The following BIRC3 variants were observed in gnomAD, a reference collection of about 807,000 sequenced individuals.
BIRC3 encodes baculoviral IAP repeat-containing protein 3.
BIRC3 carries 26 observed loss-of-function variants against 59.0 expected under a neutral mutation model. The observed-to-expected ratio is 0.44, with a 90% confidence interval of 0.32 to 0.61. BIRC3 has a LOEUF of 0.61. Ranked by LOEUF, BIRC3 falls within the 20% of genes least tolerant of loss-of-function variation. The probability of loss-of-function intolerance (pLI) is 0.04; values close to 1 mark genes in which losing one functional copy is unlikely to be tolerated. For missense variants in BIRC3, 641 were observed against 711.5 expected, an observed-to-expected ratio of 0.90 and a Z score of 1.13; for synonymous variants, 243 against 249.2, an observed-to-expected ratio of 0.98 and a Z score of 0.24.
At chr11:102,328,530 A>C (rs1951106995) in intron 4 of BIRC3, among the ~76,000 whole-genome samples, 1 of 150,780 alleles carries the variant, frequency 6.6e-6, no homozygotes, top group South Asian at 2.1e-4. Context: ...AGCCATGAGC[A>C]ATGAAACTGA....
At chr11:102,325,700 A>T in intron 3 of BIRC3, 135 bp downstream of exon 3, 2 of 768,488 alleles carry the variant, frequency 2.6e-6, no homozygotes, top group Non-Finnish European at 3.8e-6. Context: ...TGGATTACTT[A>T]GTAAAATACT....
intron 1 of BIRC3, among the ~76,000 whole-genome samples, chr11:102,318,072 A>T (rs1263292883): frequency 6.6e-6 from 1 of 152,348 alleles, no homozygotes; most frequent in East Asian, 1.9e-4. Flanking sequence ...ACATTGTCGA[A>T]GGCATGTACC....
In BIRC3 at chr11:102,323,912, A is replaced by C. The variant is rs559771810; in HGVS notation, c.-598A>C. 2.0e-5 allele frequency: 4 copies of C among 203,856 alleles called. No homozygotes were observed. The highest frequency in any genetic ancestry group is 4.0e-5 in the Non-Finnish European group (4 of 99,572). The allele number at this position is 203,856 out of a possible 1,614,324, so 12.6% of individuals were successfully genotyped here. The stretch of plus-strand genomic sequence containing the variant: ...ACTTCTTGATAACAGAAGTTTTAAA[A>C]TAGCCATCTTAGAATCAGTGAAATA... On this transcript the variant is annotated 5_prime_UTR_variant, in exon 2 of 9. Coordinates refer to ENST00000263464, the MANE Select transcript of BIRC3 (RefSeq NM_001165.5).
In BIRC3 at chr11:102,338,925, C is replaced by G. The variant is rs1283613790; in HGVS notation, c.*1823C>G. 2 of 220,288 alleles carry G rather than the reference C, an allele frequency of 9.1e-6. No homozygotes were observed. Among genetic ancestry groups the G allele is most frequent in the African/African-American group, 2.2e-5 (1 of 44,568 alleles). 13.6% of individuals were successfully genotyped at this position (220,288 alleles called of 1,614,324 possible). A position where few individuals can be genotyped will look rare whatever the true frequency, so the allele number is the denominator to read the frequency against. ...TCAGAGAAAAACTTTGCTTCTGAGG[C>G]CTTCACTTTGGGTTTTCTGAGCCCC... On this transcript the variant is annotated 3_prime_UTR_variant, in exon 9 of 9. Transcript: ENST00000263464.
At chr11:102,331,280 T>C (rs935284223) in intron 6 of BIRC3, 39 bp downstream of exon 6, 1 of 1,559,222 alleles carries the variant, frequency 6.4e-7, no homozygotes, top group Non-Finnish European at 8.7e-7. Flanking sequence ...TTCATAAGGA[T>C]TTGATATCAG....
Position 102,338,484 on chromosome 11 carries a change from A to G in BIRC3, c.*1382A>G. 4.4e-6 allele frequency: 1 copy of G among 229,474 alleles called. No homozygotes were observed. The highest frequency in any genetic ancestry group is 8.7e-6 in the Non-Finnish European group (1 of 115,598). 14.2% of individuals were successfully genotyped at this position (229,474 alleles called of 1,614,324 possible). A position where few individuals can be genotyped will look rare whatever the true frequency, so the allele number is the denominator to read the frequency against. ...ATGAAGATCCAAAATTACAGGGGAAACTGTGCATTTTTATGCTTAGGTTTG... is the reference window on the plus strand; with the variant it reads ...ATGAAGATCCAAAATTACAGGGGAAGCTGTGCATTTTTATGCTTAGGTTTG... On this transcript the variant is annotated 3_prime_UTR_variant, in exon 9 of 9. Transcript: ENST00000263464.
At chr11:102,335,803 T>C (rs1951189420) in intron 6 of BIRC3, among the ~76,000 whole-genome samples, 163 bp from the exon 7 acceptor site, 1 of 152,120 alleles carries the variant, frequency 6.6e-6, no homozygotes. Context: ...ATAACATTAT[T>C]ATTAAGCAAA....
rs894982044 is a variant in BIRC3, at chr11:102,337,633, A to C, written c.*531A>C. On this transcript the variant is annotated 3_prime_UTR_variant, in exon 9 of 9. Transcript: ENST00000263464. Reference sequence around the variant, plus strand: ...GTCTTTTTTGATCAGTGTCCTATACATCGAAGGTGTGCATATATGTTGAAT... The same window carrying C: ...GTCTTTTTTGATCAGTGTCCTATACCTCGAAGGTGTGCATATATGTTGAAT... 1 of 343,986 alleles carries C rather than the reference A, an allele frequency of 2.9e-6. No individual in the cohort carries two copies. Among genetic ancestry groups the C allele is most frequent in the Non-Finnish European group, 5.2e-6 (1 of 191,574 alleles). The allele number at this position is 343,986 out of a possible 1,614,324, so 21.3% of individuals were successfully genotyped here.
chr11:102,328,869 TA>T, intron 4 of BIRC3, 27 bp from the exon 5 acceptor site: 7 of 794,168 alleles, frequency 8.8e-6, no homozygotes, highest in Non-Finnish European at 1.2e-5. Context: ...TATATATATA[TA>T]TATATATATA....
rs1591526669 is a variant in BIRC3 at position 102,337,529 on chromosome 11, T to G, written c.*427T>G. 5.1e-6 allele frequency: 2 copies of G among 390,960 alleles called. No individual in the cohort carries two copies. The highest frequency in any genetic ancestry group is 9.0e-6 in the Non-Finnish European group (2 of 221,416). The allele number at this position is 390,960 out of a possible 1,614,324, so 24.2% of individuals were successfully genotyped here. A position where few individuals can be genotyped will look rare whatever the true frequency, so the allele number is the denominator to read the frequency against. ...AATTACTTGAGCCCAGGAGTTTGAA[T>G]CCATCCTGGGCAGCATACTGAGACC... On this transcript the variant is annotated 3_prime_UTR_variant, in exon 9 of 9. Coordinates refer to ENST00000263464, the MANE Select transcript of BIRC3 (RefSeq NM_001165.5).
Position 102,339,221 on chromosome 11 carries a change from T to TA in BIRC3, c.*2120dup, listed in dbSNP as rs397944352. On this transcript the variant is annotated 3_prime_UTR_variant, in exon 9 of 9. Coordinates refer to ENST00000263464, the MANE Select transcript of BIRC3 (RefSeq NM_001165.5). The stretch of plus-strand genomic sequence containing the variant: ...TTTTTGCACCATGTGTTTTTTTTTT[T>TA]ATCTAGTTCTTGTATACTACAGATA... 4 of 196,562 alleles carry TA rather than the reference T, an allele frequency of 2.0e-5. No homozygotes were observed. The highest frequency in any genetic ancestry group is 1.9e-4 in the South Asian group (1 of 5,202). 12.2% of individuals were successfully genotyped at this position (196,562 alleles called of 1,614,324 possible). A position where few individuals can be genotyped will look rare whatever the true frequency, so the allele number is the denominator to read the frequency against.
At position 102,338,157 on chromosome 11, in the gene BIRC3, T is replaced by A. The variant is rs947953632; in HGVS notation, c.*1055T>A. 2 of 228,602 alleles carry A rather than the reference T, an allele frequency of 8.7e-6. No individual in the cohort carries two copies. Among genetic ancestry groups the A allele is most frequent in the Non-Finnish European group, 8.7e-6 (1 of 115,258 alleles). The allele number at this position is 228,602 out of a possible 1,614,324, so 14.2% of individuals were successfully genotyped here. A position where few individuals can be genotyped will look rare whatever the true frequency, so the allele number is the denominator to read the frequency against. ...CAACAAAATGTCCCCCTCTGCATTA[T>A]GTTATTGGTACTCAACACGTCCGAG... On this transcript the variant is annotated 3_prime_UTR_variant, in exon 9 of 9. Transcript: ENST00000263464.
chr11:102,327,751 C>T (rs1414915755), intron 3 of BIRC3, among the ~76,000 whole-genome samples: 1 of 151,736 alleles, frequency 6.6e-6, no homozygotes, highest in Non-Finnish European at 1.5e-5. Context: ...AAGCATCTTA[C>T]AAAACAATTA....
intron 6 of BIRC3, among the ~76,000 whole-genome samples, chr11:102,332,313 G>A (rs985396304): frequency 1.3e-5 from 2 of 152,172 alleles, no homozygotes; most frequent in African/African-American, 4.8e-5. Context: ...GCTGAAAACA[G>A]ACTGCAACTT....
chr11:102,330,973 T>C (rs1298733363), intron 5 of BIRC3, 26 bp from the exon 6 acceptor site: 4 of 1,568,556 alleles, frequency 2.6e-6, no homozygotes, highest in Non-Finnish European at 3.4e-6. Flanking sequence ...TATCCTAATA[T>C]GTGTTAAATT....
In BIRC3 at chr11:102,324,936, T is replaced by A. The variant is rs1951066503; in HGVS notation, c.427T>A (p.Ser143Thr). The change falls in exon 2 of 9, where the codon TCA becomes ACA. Residue 143 changes from serine to threonine, a missense_variant. Transcript: ENST00000263464. ...YFRGSYSNSP[S>T]NPVNSRANQD... The stretch of plus-strand genomic sequence containing the variant: ...CCGTGGCTCTTATTCAAACTCTCCA[T>A]CAAATCCTGTAAACTCCAGAGCAAA... The A allele has an allele frequency of 6.2e-7, 1 of 1,614,074 alleles. No homozygotes were observed. Among genetic ancestry groups the A allele is most frequent in the African/African-American group, 1.3e-5 (1 of 74,930 alleles).
chr11:102,319,510 C>G (rs1366886786), intron 1 of BIRC3, among the ~76,000 whole-genome samples: 1 of 152,110 alleles, frequency 6.6e-6, no homozygotes, highest in Non-Finnish European at 1.5e-5. Context: ...GTGTAGGATC[C>G]CATAAGGGGG....
At position 102,336,753 on chromosome 11, in the gene BIRC3, C is replaced by T; in HGVS notation, c.1580-7C>T. 1.2e-6 allele frequency: 2 copies of T among 1,602,056 alleles called. No homozygotes were observed. The highest frequency in any genetic ancestry group is 1.7e-6 in the Non-Finnish European group (2 of 1,175,226). Reference sequence around the variant, plus strand: ...TCATAGTAATGCTTTTTCTTTTTCTCCCTTAGTGCAACAGGACATAAAATA... The same window carrying T: ...TCATAGTAATGCTTTTTCTTTTTCTTCCTTAGTGCAACAGGACATAAAATA... On this transcript the variant is annotated splice_region_variant and splice_polypyrimidine_tract_variant and intron_variant, in intron 7 of 8. Transcript: ENST00000263464.
chr11:102,318,966 A>G (rs894162390), intron 1 of BIRC3, among the ~76,000 whole-genome samples: 1 of 151,954 alleles, frequency 6.6e-6, no homozygotes, highest in Non-Finnish European at 1.5e-5. Context: ...CCATACACAC[A>G]TGTCCAGTTT....
Sources: gnomAD v4.1 joint callset for allele counts (sites outside exome capture counted in the v4.1 genomes callset) on GRCh38, gnomAD v4.1.1 for gene constraint, MANE v1.5 for transcripts, NCBI Gene and HGNC (gene_info 2026-07-23, HGNC 2026-07-21) for gene names.